POLR3E: variants seen among roughly 807,000 people sequenced by gnomAD.
The protein encoded by POLR3E is RNA polymerase III subunit E.
POLR3E carries 41 observed loss-of-function variants against 96.6 expected under a neutral mutation model. The observed-to-expected ratio is 0.42, with a 90% confidence interval of 0.33 to 0.55. The LOEUF (loss-of-function observed/expected upper bound fraction) is 0.55. POLR3E is among the 20% of genes least tolerant of loss of function. POLR3E has a pLI of 0.06. For synonymous variants in POLR3E, 396 were observed against 383.6 expected (o/e 1.03, Z -0.38); for missense variants, 849 against 952.1 (o/e 0.89, Z 1.43).
At position 22,313,557 on chromosome 16, in the gene POLR3E, A is replaced by G; in HGVS notation, c.365-63A>G. On this transcript the variant is annotated intron_variant, in intron 6 of 20. Transcript: ENST00000299853. The surrounding 1 kb of genome is among the most constrained non-coding windows in gnomAD (Gnocchi z 4.1). ...GCCTAGGCCTTCACGGGACTTGGTGACTCTCTTGAGCCAAACTGGGTGGGT... is the reference window on the plus strand; with the variant it reads ...GCCTAGGCCTTCACGGGACTTGGTGGCTCTCTTGAGCCAAACTGGGTGGGT... 9.6e-7 allele frequency: 1 copy of G among 1,043,710 alleles called. No individual in the cohort carries two copies. Among genetic ancestry groups the G allele is most frequent in the South Asian group, 1.3e-5 (1 of 76,514 alleles). The allele number at this position is 1,043,710 out of a possible 1,614,324, so 64.7% of individuals were successfully genotyped here. A position where few individuals can be genotyped will look rare whatever the true frequency, so the allele number is the denominator to read the frequency against.
chr16:22,305,260 G>C, intron 3 of POLR3E, 54 bp downstream of exon 3: 1 of 1,297,534 alleles, frequency 7.7e-7, no homozygotes, highest in Non-Finnish European at 1.1e-6. Context: ...GGTGGGTGGT[G>C]TGGACTCAGG....
Position 22,306,999 on chromosome 16 carries a change from G to A in POLR3E, c.88-1149G>A, listed in dbSNP as rs773709326. 3.3e-5 allele frequency among the ~76,000 whole-genome samples: 5 copies of A among 152,238 alleles called. No homozygotes were observed. In the East Asian group the frequency reaches 5.8e-4, roughly 18 times the overall value. ...GCCGTGGGAATGGGGCCTGTCCTGTGTGCCTGCTCACCCTGTTTCCTTGAC... is the reference window on the plus strand; with the variant it reads ...GCCGTGGGAATGGGGCCTGTCCTGTATGCCTGCTCACCCTGTTTCCTTGAC... On this transcript the variant is annotated intron_variant, in intron 3 of 20. Transcript: ENST00000299853.
At position 22,330,988 on chromosome 16, in the gene POLR3E, CTTTTTTTTTTTTTTTT is replaced by C. The variant is rs56100056; in HGVS notation, c.1945-1053_1945-1038del. On this transcript the variant is annotated intron_variant, in intron 19 of 20. Coordinates refer to ENST00000299853, the MANE Select transcript of POLR3E (RefSeq NM_018119.4). ...GACAAATAGTGATACATGAAGCATC[CTTTTTTTTTTTTTTTT>C]TTTTTTTTTTTTTTTTTTGAGACAG... is the stretch of plus-strand genomic sequence containing the variant. Among the ~76,000 whole-genome samples the C allele has an allele frequency of 1.9e-3, 97 of 50,778 alleles. 1 individual carries two copies. The East Asian group carries it at 0.051, about 27-fold the overall frequency. 33.3% of individuals were successfully genotyped at this position (50,778 alleles called of 152,430 possible).
intron 18 of POLR3E, chr16:22,327,023 T>G (rs990767181): frequency 6.5e-6 from 1 of 152,686 alleles, no homozygotes; most frequent in African/African-American, 2.4e-5. Flanking sequence ...GGGGACCGTT[T>G]CCCTGCGCTG....
chr16:22,326,049 A>C lies in POLR3E; in HGVS notation c.1637A>C (p.Asn546Thr). Residue 546 changes from asparagine to threonine, a missense_variant, in exon 18 of 21, where the codon AAC (asparagine) becomes ACC (threonine). By Grantham distance (65) the Asn-to-Thr change is moderately conservative. Transcript: ENST00000299853. ...CGGGCTGCGGGCACAGACAGCTTCAACGGGCACCCGCCCCAGGGCTGCGCC... is the reference window on the plus strand; with the variant it reads ...CGGGCTGCGGGCACAGACAGCTTCACCGGGCACCCGCCCCAGGGCTGCGCC... Reference protein sequence around the residue: ...LGRAAGTDSFNGHPPQGCAST... With the variant: ...LGRAAGTDSFTGHPPQGCAST... 2 of 1,606,890 alleles carry C rather than the reference A, an allele frequency of 1.2e-6. No homozygotes were observed.
chr16:22,313,791 T>C lies in POLR3E; in HGVS notation c.472+64T>C. On this transcript the variant is annotated intron_variant, in intron 7 of 20. Transcript: ENST00000299853. This position sits in a 1 kb window ranked among gnomAD's most constrained non-coding sequence, Gnocchi z 4.1. Reference sequence around the variant, plus strand: ...TCATCCTGGTGGGATGGCTTGGTCCTGGGAAGAGGGATGGGATGATAGGAT... The same window carrying C: ...TCATCCTGGTGGGATGGCTTGGTCCCGGGAAGAGGGATGGGATGATAGGAT... 8.8e-7 allele frequency: 1 copy of C among 1,133,926 alleles called. No homozygotes were observed. The highest frequency in any genetic ancestry group is 1.5e-5 in the African/African-American group (1 of 65,976). 70.2% of individuals were successfully genotyped at this position (1,133,926 alleles called of 1,614,324 possible).
At chr16:22,317,401 G>A (rs118061477) in intron 12 of POLR3E, among the ~76,000 whole-genome samples, 195 bp downstream of exon 12, 6 of 152,346 alleles carry the variant, frequency 3.9e-5, no homozygotes, top group South Asian at 4.1e-4. Context: ...CAGGCAGCCC[G>A]GGTTCCCGTG....
chr16:22,323,036 G>T lies in POLR3E; in HGVS notation c.1068+105G>T, dbSNP rs992575018. On this transcript the variant is annotated intron_variant, in intron 14 of 20. Transcript: ENST00000299853. Reference sequence around the variant, plus strand: ...GGCCCGGCAGAGGCTCCAGGTGGAGGCGGGTGTGTGAGGAGGCCCTGGCCT... The same window carrying T: ...GGCCCGGCAGAGGCTCCAGGTGGAGTCGGGTGTGTGAGGAGGCCCTGGCCT... 8.2e-6 allele frequency: 6 copies of T among 734,828 alleles called. No homozygotes were observed. In the East Asian group the frequency reaches 1.6e-4, roughly 20 times the overall value. 45.5% of individuals were successfully genotyped at this position (734,828 alleles called of 1,614,324 possible).
At chr16:22,310,286 GTTTGT>G (rs1170839040) in intron 6 of POLR3E, 3 of 154,792 alleles carry the variant, frequency 1.9e-5, no homozygotes, top group East Asian at 1.9e-4. Context: ...TTGCTTGTTC[GTTTGT>G]TTTGTTTTGT....
intron 3 of POLR3E, 200 bp downstream of exon 3, chr16:22,305,406 G>T (rs764351955): frequency 2.9e-6 from 2 of 698,628 alleles, no homozygotes; most frequent in African/African-American, 1.8e-5. Flanking sequence ...ACACAGGAGA[G>T]GCAGAAGTGT....
At position 22,322,291 on chromosome 16, in the gene POLR3E, A is replaced by G. The variant is rs952929809; in HGVS notation, c.987-559A>G. On this transcript the variant is annotated intron_variant, in intron 13 of 20. Coordinates refer to ENST00000299853, the MANE Select transcript of POLR3E (RefSeq NM_018119.4). The surrounding 1 kb of genome is among the most constrained non-coding windows in gnomAD (Gnocchi z 5.2). ...GTGGCTGGAGCTGGGTCAGGGCTAC[A>G]CTCTGGAGATTCTCGTGCCCTGCTG... Among the ~76,000 whole-genome samples the G allele has an allele frequency of 1.3e-5, 2 of 151,936 alleles. No homozygotes were observed. The highest frequency in any genetic ancestry group is 4.8e-5 in the African/African-American group (2 of 41,340).
chr16:22,315,807 G>C (rs2048342967), intron 9 of POLR3E, among the ~76,000 whole-genome samples: 1 of 152,146 alleles, frequency 6.6e-6, no homozygotes, highest in East Asian at 1.9e-4. Context: ...AGGTAGCTGG[G>C]ACTACAGGCA....
chr16:22,313,568 C>A lies in POLR3E; in HGVS notation c.365-52C>A. 7.9e-7 allele frequency: 1 copy of A among 1,271,536 alleles called. No individual in the cohort carries two copies. The highest frequency in any genetic ancestry group is 1.1e-6 in the Non-Finnish European group (1 of 872,450). 78.8% of individuals were successfully genotyped at this position (1,271,536 alleles called of 1,614,324 possible). ...CACGGGACTTGGTGACTCTCTTGAG[C>A]CAAACTGGGTGGGTTTCTAGAGTTG... On this transcript the variant is annotated intron_variant, in intron 6 of 20. Transcript: ENST00000299853. The surrounding 1 kb of genome is among the most constrained non-coding windows in gnomAD (Gnocchi z 4.1).
At position 22,326,197 on chromosome 16, in the gene POLR3E, C is replaced by G. The variant is rs2048588147; in HGVS notation, c.1785C>G (p.Gly595=). 6.2e-7 allele frequency: 1 copy of G among 1,613,900 alleles called. No individual in the cohort carries two copies. The highest frequency in any genetic ancestry group is 8.5e-7 in the Non-Finnish European group (1 of 1,180,022). The stretch of plus-strand genomic sequence containing the variant: ...TGCACTTGGCCAGCCTGCCCCCCGG[C>G]CACACACTCTTCAGCGGCATCTCGG... ...FNLHLASLPP[G]HTLFSGISDR... The change falls in exon 18 of 21, where the codon GGC becomes GGG. Residue 595 remains glycine (G), a synonymous_variant. Transcript: ENST00000299853.
At chr16:22,329,846 CTT>C (rs1002652169) in intron 19 of POLR3E, among the ~76,000 whole-genome samples, 1 of 152,032 alleles carries the variant, frequency 6.6e-6, no homozygotes, top group Non-Finnish European at 1.5e-5. Context: ...CCAGGCTAGT[CTT>C]GAACTCCTGG....
At chr16:22,315,489 T>C (rs2048335259) in intron 9 of POLR3E, among the ~76,000 whole-genome samples, 1 of 152,014 alleles carries the variant, frequency 6.6e-6, no homozygotes, top group Non-Finnish European at 1.5e-5. Flanking sequence ...TAGTGCCTGG[T>C]AACATATTTT....
chr16:22,330,988 C>CTTTTTTTTTTTTTTTTTTTTTTT (rs56100056), intron 19 of POLR3E, among the ~76,000 whole-genome samples: 1 of 50,732 alleles, frequency 2.0e-5, no homozygotes, highest in Non-Finnish European at 3.9e-5. Flanking sequence ...ATGAAGCATC[C>CTTTTTTTTTTTTTTTTTTTTTTT]TTTTTTTTTT....
At position 22,314,860 on chromosome 16, in the gene POLR3E, A is replaced by G. The variant is rs773790566; in HGVS notation, c.523-229A>G. ...GGCGCCTGGGACTCTAATCCCCCTC[A>G]AGCCTCTGGGCTGGGCAGGCACGAG... On this transcript the variant is annotated intron_variant, in intron 8 of 20. Coordinates refer to ENST00000299853, the MANE Select transcript of POLR3E (RefSeq NM_018119.4). 16 of 418,606 alleles carry G rather than the reference A, an allele frequency of 3.8e-5. 1 individual carries two copies. Among genetic ancestry groups the G allele is most frequent in the South Asian group, 1.1e-4 (3 of 28,424 alleles). The allele number at this position is 418,606 out of a possible 1,614,324, so 25.9% of individuals were successfully genotyped here. A position where few individuals can be genotyped will look rare whatever the true frequency, so the allele number is the denominator to read the frequency against.
intron 11 of POLR3E, 23 bp downstream of exon 11, chr16:22,317,062 C>T (rs747651574): frequency 1.9e-6 from 3 of 1,613,730 alleles, no homozygotes; most frequent in Non-Finnish European, 2.5e-6. Flanking sequence ...GGCAGGACAC[C>T]CTCTCCCTTT....
Sources: allele counts gnomAD v4.1 joint callset (sites outside exome capture counted in the v4.1 genomes callset), GRCh38; gene constraint gnomAD v4.1.1; non-coding constraint Gnocchi (gnomAD v3.1); transcripts MANE v1.5; gene names NCBI Gene and HGNC (gene_info 2026-07-23, HGNC 2026-07-21).